EIF3H: variants seen among roughly 807,000 people sequenced by gnomAD.
EIF3H encodes the protein eukaryotic translation initiation factor 3 subunit H.
A neutral mutation model predicts 44.2 loss-of-function variants in EIF3H; 26 were observed. The ratio of observed to expected loss-of-function variants is 0.59; its 90% CI spans 0.43 to 0.82. EIF3H has a LOEUF of 0.82. Ranked by LOEUF, EIF3H falls within the 40% of genes least tolerant of loss-of-function variation. The pLI is 0.00. For missense variants in EIF3H, 359 were observed against 432.8 expected (o/e 0.83, Z 1.51); for synonymous variants, 166 against 151.9 (o/e 1.09, Z -0.68).
At chr8:116,669,280 TC>T (rs1412025222) in intron 2 of EIF3H, among the ~76,000 whole-genome samples, 4 of 152,196 alleles carry the variant, frequency 2.6e-5, no homozygotes, top group African/African-American at 9.6e-5. Flanking sequence ...TCTTGGGTGT[TC>T]CATTATTACT....
upstream of EIF3H, among the ~76,000 whole-genome samples, chr8:116,759,641 C>T (rs1486225110): frequency 6.6e-6 from 1 of 152,080 alleles, no homozygotes; most frequent in Non-Finnish European, 1.5e-5. Flanking sequence ...AGAGAGTATA[C>T]ATTTCGGGGT....
chr8:116,714,563 A>G (rs552034932), intron 2 of EIF3H, among the ~76,000 whole-genome samples: 1 of 152,158 alleles, frequency 6.6e-6, no homozygotes, highest in African/African-American at 2.4e-5. Context: ...TATTTGAAAC[A>G]TTTTATTATA....
At chr8:116,648,700 A>G in intron 6 of EIF3H, 106 bp downstream of exon 6, 1 of 1,352,324 alleles carries the variant, frequency 7.4e-7, no homozygotes, top group Non-Finnish European at 9.8e-7. Flanking sequence ...TAGAGTAGCT[A>G]ACGGTCAATA....
At chr8:116,756,128 C>G, upstream of EIF3H, 1 of 954,194 alleles carries the variant, frequency 1.0e-6, no homozygotes, top group Non-Finnish European at 1.6e-6. Flanking sequence ...TGTAAAAATG[C>G]TTTCATTTCT....
Position 116,680,035 on chromosome 8 carries a change from C to CG in EIF3H, c.290-21056dup, listed in dbSNP as rs1308142632. Among the ~76,000 whole-genome samples, 56 of 10,040 alleles carry CG rather than the reference C, an allele frequency of 5.6e-3. 9 individuals are homozygous for CG. The highest frequency in any genetic ancestry group is 7.0e-3 in the Non-Finnish European group (26 of 3,738). The allele number at this position is 10,040 out of a possible 152,430, so 6.6% of individuals were successfully genotyped here. A position where few individuals can be genotyped will look rare whatever the true frequency, so the allele number is the denominator to read the frequency against. On this transcript the variant is annotated intron_variant, in intron 2 of 7. Transcript: ENST00000521861. ...CCAGCCGCCCCGTCCGGGAGGGAGG[C>CG]GGGGGGGGGGTCGGCCAGCCGCCCT...
intron 1 of EIF3H, among the ~76,000 whole-genome samples, chr8:116,739,322 T>C (rs922913750): frequency 6.6e-6 from 1 of 152,226 alleles, no homozygotes; most frequent in African/African-American, 2.4e-5. Flanking sequence ...ATCTATAACC[T>C]ACAGAAACAA....
intron 2 of EIF3H, among the ~76,000 whole-genome samples, chr8:116,680,961 G>T (rs1346701319): frequency 1.4e-5 from 2 of 139,520 alleles, no homozygotes; most frequent in Non-Finnish European, 3.0e-5. Context: ...TAAAGATGTG[G>T]AATTTATAAA....
chr8:116,653,815 T>G (rs768280730), intron 5 of EIF3H, among the ~76,000 whole-genome samples: 1 of 152,150 alleles, frequency 6.6e-6, no homozygotes, highest in Non-Finnish European at 1.5e-5. Context: ...ATAAAAAAAT[T>G]TGAATTTTTC....
chr8:116,718,207 T>C (rs896005297), intron 2 of EIF3H, among the ~76,000 whole-genome samples: 3 of 151,540 alleles, frequency 2.0e-5, no homozygotes, highest in Non-Finnish European at 4.4e-5. Context: ...ACGTCCATAA[T>C]AATAAAAAAA....
intron 2 of EIF3H, among the ~76,000 whole-genome samples, chr8:116,673,765 A>G (rs1308960371): frequency 6.6e-6 from 1 of 152,148 alleles, no homozygotes. Context: ...TTTTTCATTC[A>G]GCACACTGTA....
Position 116,752,665 on chromosome 8 carries a change from GAAGAAAGAAAGAAAGAAAGAAAGA to G in EIF3H, c.132+2977_132+3000del, listed in dbSNP as rs561596543. ...TAACACTGTTCATCAAGACAGAAAT[GAAGAAAGAAAGAAAGAAAGAAAGA>G]AAGAAAGAAAGAAAGAAAGAAAGAA... On this transcript the variant is annotated intron_variant, in intron 1 of 7. Transcript: ENST00000521861. Among the ~76,000 whole-genome samples, 451 of 62,616 alleles carry G rather than the reference GAAGAAAGAAAGAAAGAAAGAAAGA, an allele frequency of 7.2e-3. 4 individuals carry two copies. Among genetic ancestry groups the G allele is most frequent in the South Asian group, 0.01 (14 of 1,394 alleles). 41.1% of individuals were successfully genotyped at this position (62,616 alleles called of 152,430 possible). A position where few individuals can be genotyped will look rare whatever the true frequency, so the allele number is the denominator to read the frequency against.
intron 2 of EIF3H, among the ~76,000 whole-genome samples, chr8:116,678,789 C>A (rs1313613195): frequency 5.5e-5 from 8 of 146,608 alleles, no homozygotes; most frequent in Non-Finnish European, 1.1e-4. Context: ...AGGAGCCCCT[C>A]CGTCCGGCAG....
intron 2 of EIF3H, among the ~76,000 whole-genome samples, chr8:116,660,040 C>T (rs766120092): frequency 8.5e-5 from 13 of 152,068 alleles, no homozygotes; most frequent in Non-Finnish European, 1.3e-4. Context: ...GTGTGAACCA[C>T]CGCACCCGGC....
intron 2 of EIF3H, chr8:116,689,108 G>A (rs1814129630): frequency 6.7e-6 from 3 of 448,996 alleles, no homozygotes; most frequent in Non-Finnish European, 4.5e-6. Flanking sequence ...AACAAGGAAC[G>A]AAGTTCTGAT....
intron 1 of EIF3H, among the ~76,000 whole-genome samples, chr8:116,730,764 CACATA>C (rs1814938179): frequency 1.3e-5 from 2 of 152,140 alleles, no homozygotes; most frequent in African/African-American, 2.4e-5. Flanking sequence ...CAGATACTGG[CACATA>C]AAAGATACTC....
intron 2 of EIF3H, among the ~76,000 whole-genome samples, chr8:116,703,600 A>G (rs2130884760): frequency 6.6e-6 from 1 of 152,246 alleles, no homozygotes; most frequent in East Asian, 1.9e-4. Flanking sequence ...AGAAATAATG[A>G]TGTAAGCTGT....
chr8:116,763,639 C>G (rs978577702), intron 1 of EIF3H, among the ~76,000 whole-genome samples: 1 of 151,820 alleles, frequency 6.6e-6, no homozygotes, highest in Admixed American at 6.6e-5. Context: ...CCTAAGTTGT[C>G]GTAAAATATT....
intron 1 of EIF3H, chr8:116,765,494 C>T (rs1815562236): frequency 6.6e-6 from 1 of 152,140 alleles, no homozygotes; most frequent in Non-Finnish European, 1.5e-5. Context: ...TTCCATACTC[C>T]CCATTCTTTG....
intron 2 of EIF3H, among the ~76,000 whole-genome samples, chr8:116,708,492 C>T (rs1034042512): frequency 1.3e-5 from 2 of 151,896 alleles, no homozygotes; most frequent in African/African-American, 4.8e-5. Context: ...AGTAAAAGTG[C>T]TGATATTGAT....
Sources: allele counts gnomAD v4.1 joint callset (sites outside exome capture counted in the v4.1 genomes callset), GRCh38; gene constraint gnomAD v4.1.1; transcripts MANE v1.5; gene names NCBI Gene and HGNC (gene_info 2026-07-23, HGNC 2026-07-21).